Variants in AP3B1 observed in about 807,000 individuals in gnomAD.
AP3B1 encodes the protein adaptor related protein complex 3 subunit beta 1, also known as AP-3 complex subunit beta-1.
Under a neutral mutation model 132.5 loss-of-function variants are expected in AP3B1, and 61 were observed. That is an observed-to-expected ratio of 0.46 (90% CI 0.37 to 0.57). The LOEUF (loss-of-function observed/expected upper bound fraction) is 0.57, where lower values mean the gene tolerates loss of function less well. Ranked by LOEUF, AP3B1 falls within the 20% of genes least tolerant of loss-of-function variation. The pLI is 0.00. For missense variants in AP3B1, 1,120 were observed against 1,289.4 expected (o/e 0.87, Z 2.01); for synonymous variants, 388 against 438.3 (o/e 0.89, Z 1.43).
intron 1 of AP3B1, among the ~76,000 whole-genome samples, chr5:78,290,543 AATT>A (rs1238142291): frequency 2.0e-5 from 3 of 152,220 alleles, no homozygotes; most frequent in Non-Finnish European, 4.4e-5. Flanking sequence ...GAATTATTAA[AATT>A]ATTTTTAATT....
chr5:78,064,280 T>C (rs911795678), intron 22 of AP3B1, among the ~76,000 whole-genome samples: 5 of 152,010 alleles, frequency 3.3e-5, no homozygotes, highest in Non-Finnish European at 7.4e-5. Flanking sequence ...TATATACGCA[T>C]GTTTAGAGAT....
chr5:78,216,472 G>A (rs1745966498), intron 6 of AP3B1, among the ~76,000 whole-genome samples: 6 of 152,092 alleles, frequency 3.9e-5, no homozygotes, highest in Admixed American at 3.9e-4. Context: ...AGTAAATTCT[G>A]ATGTGTTTAT....
intron 22 of AP3B1, among the ~76,000 whole-genome samples, chr5:78,047,069 T>A (rs1748366335): frequency 6.6e-6 from 1 of 152,216 alleles, no homozygotes; most frequent in Admixed American, 6.5e-5. Flanking sequence ...CCATGGTGTA[T>A]GTGTGCCACA....
At chr5:78,099,998 C>T (rs1476721808) in intron 21 of AP3B1, among the ~76,000 whole-genome samples, 1 of 152,146 alleles carries the variant, frequency 6.6e-6, no homozygotes, top group African/African-American at 2.4e-5. Flanking sequence ...CTATCAAAAA[C>T]ATGTACTTCT....
intron 1 of AP3B1, among the ~76,000 whole-genome samples, chr5:78,292,923 C>T (rs555462849): frequency 1.3e-5 from 2 of 152,006 alleles, no homozygotes; most frequent in African/African-American, 2.4e-5. Flanking sequence ...CTGTCGCCCA[C>T]GTTTGAGTGC....
chr5:78,088,443 CT>C (rs1165255029), intron 22 of AP3B1, among the ~76,000 whole-genome samples: 2 of 152,076 alleles, frequency 1.3e-5, no homozygotes, highest in Non-Finnish European at 2.9e-5. Flanking sequence ...ATGCAGATAG[CT>C]TTTTTTAGTA....
At position 78,033,887 on chromosome 5, in the gene AP3B1, GA is replaced by G. The variant is rs141511109; in HGVS notation, c.2894+473del. 5.6e-3 allele frequency among the ~76,000 whole-genome samples: 825 copies of G among 148,282 alleles called. 4 individuals carry two copies. The highest frequency in any genetic ancestry group is 0.019 in the African/African-American group (789 of 40,472). On this transcript the variant is annotated intron_variant, in intron 24 of 26. Coordinates refer to ENST00000255194, the MANE Select transcript of AP3B1 (RefSeq NM_003664.5). ...GCAGTTTGTAAATGGATGTAAAAAG[GA>G]AAAAAAAAATGTGTGAGTTTTAGGT...
chr5:78,157,294 A>G (rs746350107), intron 13 of AP3B1, among the ~76,000 whole-genome samples: 3 of 152,168 alleles, frequency 2.0e-5, no homozygotes, highest in Non-Finnish European at 2.9e-5. Context: ...AGGGTGTTAC[A>G]TCATATCTTG....
chr5:78,151,277 A>G (rs1054327533), intron 14 of AP3B1, among the ~76,000 whole-genome samples: 5 of 152,182 alleles, frequency 3.3e-5, no homozygotes, highest in Non-Finnish European at 5.9e-5. Context: ...CTTATACCCC[A>G]AAATACCTCC....
intron 7 of AP3B1, among the ~76,000 whole-genome samples, chr5:78,195,622 A>T (rs1745050386): frequency 6.6e-6 from 1 of 152,214 alleles, no homozygotes; most frequent in African/African-American, 2.4e-5. Flanking sequence ...ATTAGAGACC[A>T]GCCTGACCAA....
intron 14 of AP3B1, among the ~76,000 whole-genome samples, chr5:78,148,175 T>C (rs1753495994): frequency 6.6e-6 from 1 of 152,170 alleles, no homozygotes; most frequent in South Asian, 2.1e-4. Flanking sequence ...GATACAGGCC[T>C]CATACACTGT....
chr5:78,025,392 C>T (rs1747299411), intron 24 of AP3B1, among the ~76,000 whole-genome samples: 2 of 151,914 alleles, frequency 1.3e-5, no homozygotes, highest in African/African-American at 4.8e-5. Flanking sequence ...GTAGGGAAAG[C>T]GATCCTGAAA....
At chr5:78,067,782 T>C (rs1279431114) in intron 22 of AP3B1, among the ~76,000 whole-genome samples, 1 of 152,164 alleles carries the variant, frequency 6.6e-6, no homozygotes, top group African/African-American at 2.4e-5. Flanking sequence ...GGGAAATTTA[T>C]AGCACTAAAT....
At chr5:78,181,445 A>T in intron 8 of AP3B1, 62 bp downstream of exon 8, 1 of 1,496,196 alleles carries the variant, frequency 6.7e-7, no homozygotes, top group South Asian at 1.1e-5. Flanking sequence ...CTAAATTGAG[A>T]TATTTTTAAT....
intron 2 of AP3B1, among the ~76,000 whole-genome samples, chr5:78,260,941 G>A (rs2112552348): frequency 6.6e-6 from 1 of 152,326 alleles, no homozygotes; most frequent in African/African-American, 2.4e-5. Context: ...GCATGCATCA[G>A]AATTCCATTC....
intron 2 of AP3B1, among the ~76,000 whole-genome samples, chr5:78,253,839 C>T (rs1017204489): frequency 1.3e-5 from 2 of 151,362 alleles, no homozygotes; most frequent in African/African-American, 4.9e-5. Flanking sequence ...TGGTGGTGGG[C>T]ACCTGTAGTC....
At chr5:78,182,708 G>A (rs1744421512) in intron 7 of AP3B1, among the ~76,000 whole-genome samples, 1 of 152,164 alleles carries the variant, frequency 6.6e-6, no homozygotes, top group Non-Finnish European at 1.5e-5. Flanking sequence ...CTACTCAAGT[G>A]CAGCCCAACA....
chr5:78,086,086 C>G (rs1315074356), intron 22 of AP3B1, among the ~76,000 whole-genome samples: 1 of 152,150 alleles, frequency 6.6e-6, no homozygotes, highest in Non-Finnish European at 1.5e-5. Context: ...CATTTATACT[C>G]AATCACATGA....
At chr5:78,277,453 G>A (rs1748830809) in intron 1 of AP3B1, among the ~76,000 whole-genome samples, 1 of 152,004 alleles carries the variant, frequency 6.6e-6, no homozygotes, top group South Asian at 2.1e-4. Flanking sequence ...AAGCAGGGAG[G>A]AACAAAAACA....
Sources: gnomAD v4.1 joint callset for allele counts (sites outside exome capture counted in the v4.1 genomes callset) on GRCh38, gnomAD v4.1.1 for gene constraint, MANE v1.5 for transcripts, NCBI Gene and HGNC (gene_info 2026-07-23, HGNC 2026-07-21) for gene names.